Variants in GPR158 observed in about 807,000 individuals in gnomAD.
The protein encoded by GPR158 is metabotropic glycine receptor.
A neutral mutation model predicts 78.2 loss-of-function variants in GPR158; 30 were observed. The ratio of observed to expected loss-of-function variants is 0.38; its 90% CI spans 0.29 to 0.52. The LOEUF (loss-of-function observed/expected upper bound fraction) is 0.52. Ranked by LOEUF, GPR158 falls within the 20% of genes least tolerant of loss-of-function variation. The pLI is 0.83. For synonymous variants in GPR158, 581 were observed against 591.1 expected (o/e 0.98, Z 0.25); for missense variants, 1,463 against 1,523.5 (o/e 0.96, Z 0.66).
At chr10:25,403,146 A>C (rs144871646) in intron 3 of GPR158, among the ~76,000 whole-genome samples, 1 of 151,916 alleles carries the variant, frequency 6.6e-6, no homozygotes, top group Admixed American at 6.6e-5. Flanking sequence ...CCATTGAATA[A>C]ATGCACTGTG....
At chr10:25,358,498 G>C (rs536252748) in intron 2 of GPR158, among the ~76,000 whole-genome samples, 5 of 152,170 alleles carry the variant, frequency 3.3e-5, no homozygotes, top group Admixed American at 6.6e-5. Context: ...TGCTGTTCAT[G>C]TGTAGGTGAA....
chr10:25,211,153 AC>A (rs1197920461), intron 1 of GPR158, among the ~76,000 whole-genome samples: 1 of 150,888 alleles, frequency 6.6e-6, no homozygotes, highest in African/African-American at 2.4e-5. Flanking sequence ...AAAAAAAAAA[AC>A]AGAATTTTAA....
At chr10:25,228,013 T>A (rs1057135426) in intron 2 of GPR158, among the ~76,000 whole-genome samples, 2 of 152,158 alleles carry the variant, frequency 1.3e-5, no homozygotes, top group Non-Finnish European at 2.9e-5. Context: ...AAATGTGTCA[T>A]CATTAAAAAT....
intron 6 of GPR158, among the ~76,000 whole-genome samples, chr10:25,557,256 G>A (rs1050524711): frequency 6.6e-6 from 1 of 152,086 alleles, no homozygotes; most frequent in African/African-American, 2.4e-5. Flanking sequence ...CATATGCTTG[G>A]AAGCACAGAA....
At chr10:25,188,868 T>G (rs1451916971) in intron 1 of GPR158, among the ~76,000 whole-genome samples, 3 of 151,850 alleles carry the variant, frequency 2.0e-5, no homozygotes, top group African/African-American at 7.3e-5. Context: ...GGGAGAAAAT[T>G]TTTACAATCT....
At chr10:25,278,139 T>G (rs1435573568) in intron 2 of GPR158, among the ~76,000 whole-genome samples, 1 of 152,152 alleles carries the variant, frequency 6.6e-6, no homozygotes, top group Non-Finnish European at 1.5e-5. Context: ...ACAACAGGTT[T>G]AGATTTTAAA....
At chr10:25,428,170 T>C (rs1284254105) in intron 4 of GPR158, among the ~76,000 whole-genome samples, 7 of 152,106 alleles carry the variant, frequency 4.6e-5, no homozygotes, top group Admixed American at 4.6e-4. Flanking sequence ...ACTTCATTTT[T>C]GTAAAATATT....
chr10:25,206,571 T>C (rs188138168), intron 1 of GPR158, among the ~76,000 whole-genome samples: 4 of 152,180 alleles, frequency 2.6e-5, no homozygotes, highest in African/African-American at 9.7e-5. Context: ...ATTGATAACA[T>C]TTTGATATAT....
intron 2 of GPR158, among the ~76,000 whole-genome samples, chr10:25,319,497 C>T (rs1479790317): frequency 6.6e-6 from 1 of 152,122 alleles, no homozygotes; most frequent in African/African-American, 2.4e-5. Context: ...AAGAGAATCT[C>T]TCATATTTGA....
At chr10:25,224,093 C>T (rs1249724291) in intron 2 of GPR158, among the ~76,000 whole-genome samples, 1 of 152,112 alleles carries the variant, frequency 6.6e-6, no homozygotes, top group Non-Finnish European at 1.5e-5. Flanking sequence ...TTTAGGTCTT[C>T]ACAAGGTCTA....
At chr10:25,536,185 GTC>G (rs1232362924) in intron 5 of GPR158, among the ~76,000 whole-genome samples, 1 of 151,920 alleles carries the variant, frequency 6.6e-6, no homozygotes, top group East Asian at 1.9e-4. Context: ...ACAAATAAAA[GTC>G]TTCAATTTTT....
intron 2 of GPR158, among the ~76,000 whole-genome samples, chr10:25,222,280 G>A (rs540687646): frequency 4.7e-5 from 7 of 150,466 alleles, no homozygotes; most frequent in South Asian, 2.2e-4. Flanking sequence ...CTTCCACCCC[G>A]CCACCACACT....
rs144509930 is a variant in GPR158 at position 25,488,529 on chromosome 10, C to G, written c.1404+21810C>G. Among the ~76,000 whole-genome samples, 173 of 152,262 alleles carry G rather than the reference C, an allele frequency of 1.1e-3. 1 individual carries two copies. Among genetic ancestry groups the G allele is most frequent in the African/African-American group, 3.7e-3 (152 of 41,568 alleles). ...AAAAAAAGATAAAGAAGTCTCATCT[C>G]TGATTCTTCCTAGCCCTTACTTTTG... On this transcript the variant is annotated intron_variant, in intron 5 of 10. Transcript: ENST00000376351.
chr10:25,285,966 A>C (rs771395299), intron 2 of GPR158, among the ~76,000 whole-genome samples: 3 of 152,100 alleles, frequency 2.0e-5, no homozygotes, highest in Non-Finnish European at 2.9e-5. Flanking sequence ...TTGTCTTCTG[A>C]CTTGCAGTGC....
chr10:25,500,132 T>C (rs1262311597), intron 5 of GPR158, among the ~76,000 whole-genome samples: 2 of 152,206 alleles, frequency 1.3e-5, no homozygotes, highest in Non-Finnish European at 2.9e-5. Flanking sequence ...TGTGAACTTT[T>C]CACTTACATG....
At chr10:25,239,469 A>G (rs1474657368) in intron 2 of GPR158, among the ~76,000 whole-genome samples, 2 of 152,068 alleles carry the variant, frequency 1.3e-5, no homozygotes, top group South Asian at 2.1e-4. Flanking sequence ...TGAGCCGGGC[A>G]TGGTGGCAGG....
chr10:25,361,564 G>C (rs906615217), intron 2 of GPR158, among the ~76,000 whole-genome samples: 3 of 151,988 alleles, frequency 2.0e-5, no homozygotes, highest in African/African-American at 2.4e-5. Flanking sequence ...CAATGCACAA[G>C]GGTACCAATT....
intron 7 of GPR158, among the ~76,000 whole-genome samples, chr10:25,583,549 C>G (rs1394344317): frequency 6.6e-6 from 1 of 152,052 alleles, no homozygotes; most frequent in Non-Finnish European, 1.5e-5. Flanking sequence ...TGAAGGTATT[C>G]AAGAATTATT....
intron 5 of GPR158, among the ~76,000 whole-genome samples, chr10:25,477,253 G>C (rs531979635): frequency 6.6e-6 from 1 of 152,088 alleles, no homozygotes; most frequent in South Asian, 2.1e-4. Flanking sequence ...AAAGTGGAGA[G>C]GGAGAATGAG....
Sources: allele counts gnomAD v4.1 joint callset (sites outside exome capture counted in the v4.1 genomes callset), GRCh38; gene constraint gnomAD v4.1.1; transcripts MANE v1.5; gene names NCBI Gene and HGNC (gene_info 2026-07-23, HGNC 2026-07-21).